The following DAGLB variants were observed in gnomAD, a reference collection of about 807,000 sequenced individuals.
DAGLB encodes the protein diacylglycerol lipase-beta.
Under a neutral mutation model 72.1 loss-of-function variants are expected in DAGLB, and 66 were observed. That is an observed-to-expected ratio of 0.92 (90% confidence interval 0.75 to 1.12). The LOEUF is 1.12. Ranked by LOEUF, DAGLB falls within the 50% of genes most tolerant of loss-of-function variation. DAGLB has a pLI of 0.00. For missense variants in DAGLB, 1,065 were observed against 884.9 expected (o/e 1.20, Z -2.58); for synonymous variants, 414 against 359.5 (o/e 1.15, Z -1.71).
intron 6 of DAGLB, among the ~76,000 whole-genome samples, chr7:6,428,717 C>A (rs990212360): frequency 9.2e-5 from 14 of 152,284 alleles, no homozygotes; most frequent in Non-Finnish European, 1.9e-4. Context: ...GAACTCCTGA[C>A]CTCAGGTGAT....
Position 6,436,422 on chromosome 7 carries a change from G to A in DAGLB, c.359C>T (p.Ala120Val). Residue 120 changes from alanine to valine, a missense_variant, in exon 3 of 15, where the codon GCA (alanine) becomes GTA (valine). Physicochemically the swap from Ala to Val is moderately conservative, Grantham distance 64. Coordinates refer to ENST00000297056, the MANE Select transcript of DAGLB (RefSeq NM_139179.4). ...TGTCCTGTCGCACTGAACACCATCT[G>A]CCACCCAGGCAGCCCCCAGAGAGGC... ...VWASLGAAWV[A>V]DGVQCDRTVV... is the part of the protein sequence containing the mutation. The A allele has an allele frequency of 6.2e-7, 1 of 1,614,102 alleles. No individual in the cohort carries two copies. The highest frequency in any genetic ancestry group is 8.5e-7 in the Non-Finnish European group (1 of 1,180,024).
Position 6,432,903 on chromosome 7 carries a change from T to C in DAGLB, c.735A>G (p.Gln245=), listed in dbSNP as rs1335625322. 6.2e-7 allele frequency: 1 copy of C among 1,613,814 alleles called. No individual in the cohort carries two copies. The highest frequency in any genetic ancestry group is 8.5e-7 in the Non-Finnish European group (1 of 1,180,012). The stretch of plus-strand genomic sequence containing the variant: ...CTTGGTTGTTCCTGATATTGTCCTG[T>C]TGCTGATGAAGCAGGGCGAGGCCCG... ...IAAGLALLHQ[Q]QDNIRNNQEP... Residue 245 remains glutamine (Q), a synonymous_variant, in exon 5 of 15, where the codon CAA becomes CAG. Transcript: ENST00000297056.
chr7:6,433,587 C>G (rs1784560223), intron 4 of DAGLB, among the ~76,000 whole-genome samples: 1 of 152,286 alleles, frequency 6.6e-6, no homozygotes, highest in South Asian at 2.1e-4. Context: ...CGCCTGTAAT[C>G]CCAGCACTTT....
chr7:6,419,609 A>G (rs1784041346), intron 9 of DAGLB, among the ~76,000 whole-genome samples: 1 of 152,160 alleles, frequency 6.6e-6, no homozygotes, highest in South Asian at 2.1e-4. Flanking sequence ...AGCCTTCCCG[A>G]CCCAAGGGAT....
At chr7:6,447,597 G>C (rs1785051691) in intron 1 of DAGLB, 151 bp downstream of exon 1, 2 of 1,115,190 alleles carry the variant, frequency 1.8e-6, no homozygotes, top group African/African-American at 1.6e-5. Flanking sequence ...CACCTCTTCG[G>C]GCAGTGGTGA....
At chr7:6,416,967 C>A in intron 9 of DAGLB, 46 bp from the exon 10 acceptor site, 2 of 1,602,178 alleles carry the variant, frequency 1.2e-6, no homozygotes. Flanking sequence ...TCAGACAAGG[C>A]AGGCCCAGCA....
At chr7:6,444,873 T>A (rs1004929636) in intron 2 of DAGLB, among the ~76,000 whole-genome samples, 7 of 152,266 alleles carry the variant, frequency 4.6e-5, no homozygotes, top group Non-Finnish European at 1.0e-4. Flanking sequence ...GCCATGGCAC[T>A]CCAGCCTGGG....
At chr7:6,437,813 TG>T (rs1332599363) in intron 2 of DAGLB, among the ~76,000 whole-genome samples, 1 of 152,110 alleles carries the variant, frequency 6.6e-6, no homozygotes, top group Non-Finnish European at 1.5e-5. Flanking sequence ...GGCTAATTTT[TG>T]TATTTTTAGT....
intron 4 of DAGLB, among the ~76,000 whole-genome samples, chr7:6,433,841 G>A (rs1784567981): frequency 7.8e-6 from 1 of 128,564 alleles, no homozygotes; most frequent in African/African-American, 3.2e-5. Flanking sequence ...GACAAAACGA[G>A]ACCTTGTCTC....
chr7:6,412,211 G>T (rs1002913042), intron 13 of DAGLB, among the ~76,000 whole-genome samples: 1 of 152,172 alleles, frequency 6.6e-6, no homozygotes, highest in Non-Finnish European at 1.5e-5. Flanking sequence ...ACCGCGCCTG[G>T]CCAGCAGACA....
chr7:6,425,979 C>T lies in DAGLB; in HGVS notation c.1056+9G>A, dbSNP rs199656329. 96 of 1,613,436 alleles carry T rather than the reference C, an allele frequency of 6.0e-5. No individual in the cohort carries two copies. The highest frequency in any genetic ancestry group is 7.9e-5 in the Non-Finnish European group (93 of 1,179,648). Reference sequence around the variant, plus strand: ...AGAAGTGAAGAGCCGCTGTCTGCAGCGTCCACACCTTGTCATGGAAGCTGA... The same window carrying T: ...AGAAGTGAAGAGCCGCTGTCTGCAGTGTCCACACCTTGTCATGGAAGCTGA... On this transcript the variant is annotated intron_variant, in intron 7 of 14. Coordinates refer to ENST00000297056, the MANE Select transcript of DAGLB (RefSeq NM_139179.4).
intron 2 of DAGLB, among the ~76,000 whole-genome samples, chr7:6,442,949 G>A (rs992721870): frequency 4.0e-5 from 6 of 151,038 alleles, no homozygotes; most frequent in African/African-American, 1.5e-4. Flanking sequence ...TGAGGCGGGC[G>A]GATCACGAGG....
intron 4 of DAGLB, among the ~76,000 whole-genome samples, chr7:6,433,278 T>G (rs1784548792): frequency 1.3e-5 from 2 of 152,200 alleles, no homozygotes; most frequent in South Asian, 4.1e-4. Flanking sequence ...ATGGATAAAT[T>G]GTCCGTTTTT....
rs1050001090 is a variant in DAGLB at position 6,410,309 on chromosome 7, C to T, written c.1641G>A (p.Leu547=). 3 of 1,613,990 alleles carry T rather than the reference C, an allele frequency of 1.9e-6. No homozygotes were observed. The highest frequency in any genetic ancestry group is 1.1e-5 in the South Asian group (1 of 91,060). ...GGNPNNLPTE[L]DGGDQEVLTQ... is the part of the protein sequence containing the mutation. ...TCAGGACTTCCTGGTCGCCCCCGTCCAGCTCCGTGGGCAAGTTGTTGGGGT... is the reference window on the plus strand; with the variant it reads ...TCAGGACTTCCTGGTCGCCCCCGTCTAGCTCCGTGGGCAAGTTGTTGGGGT... The change falls in exon 14 of 15, where the codon CTG becomes CTA. Residue 547 remains leucine (L), a synonymous_variant. Coordinates refer to ENST00000297056, the MANE Select transcript of DAGLB (RefSeq NM_139179.4).
chr7:6,409,968 G>A lies in DAGLB; in HGVS notation c.1888C>T (p.Leu630Phe). Reference protein sequence around the residue: ...WSHEAEFSKILIGPKMLTDHM... With the variant: ...WSHEAEFSKIFIGPKMLTDHM... ...TCGGTGAGCATCTTCGGACCTATGA[G>A]TATTTTGCTGAATTCCGCTTCGTGT... The change falls in exon 15 of 15, where the codon CTC becomes TTC. Residue 630 changes from leucine to phenylalanine, a missense_variant. Leu to Phe is a conservative substitution (Grantham distance 22). Transcript: ENST00000297056. 2 of 1,614,188 alleles carry A rather than the reference G, an allele frequency of 1.2e-6. No homozygotes were observed. The highest frequency in any genetic ancestry group is 1.7e-6 in the Non-Finnish European group (2 of 1,180,048).
At chr7:6,429,172 T>C (rs1784402882) in intron 6 of DAGLB, among the ~76,000 whole-genome samples, 1 of 152,082 alleles carries the variant, frequency 6.6e-6, no homozygotes, top group Non-Finnish European at 1.5e-5. Flanking sequence ...AATGTTAATA[T>C]AACCAGAAAT....
chr7:6,436,196 T>C (rs1416943196), intron 3 of DAGLB, among the ~76,000 whole-genome samples, 166 bp downstream of exon 3: 1 of 152,158 alleles, frequency 6.6e-6, no homozygotes. Flanking sequence ...TTGTATTTCA[T>C]GGACAAACAG....
Position 6,445,967 on chromosome 7 carries a change from C to A in DAGLB, c.233G>T (p.Cys78Phe), listed in dbSNP as rs745742035. 1.3e-6 allele frequency: 2 copies of A among 1,599,756 alleles called. No individual in the cohort carries two copies. Among genetic ancestry groups the A allele is most frequent in the Non-Finnish European group, 1.7e-6 (2 of 1,175,678 alleles). Residue 78 changes from cysteine to phenylalanine, a missense_variant, in exon 2 of 15, where the codon TGT becomes TTT. Cys to Phe is a radical substitution (Grantham distance 205). Transcript: ENST00000297056. The part of the protein sequence containing the change: ...VVICTVSAIM[C>F]VSMRGTICNP... ...CTACTTTTTACCTCTCATGCTGACA[C>A]ACATGATGGCTGACACAGTACATAT...
At chr7:6,444,795 A>C (rs1461020364) in intron 2 of DAGLB, among the ~76,000 whole-genome samples, 1 of 152,112 alleles carries the variant, frequency 6.6e-6, no homozygotes, top group Non-Finnish European at 1.5e-5. Context: ...GGCCCCAGCT[A>C]TTCGGGAGGC....
Sources: allele counts gnomAD v4.1 joint callset (sites outside exome capture counted in the v4.1 genomes callset), GRCh38; gene constraint gnomAD v4.1.1; transcripts MANE v1.5; gene names NCBI Gene and HGNC (gene_info 2026-07-23, HGNC 2026-07-21).